Variants in DMXL1 observed in about 807,000 individuals in gnomAD.
DMXL1 encodes the protein dmX-like protein 1.
Under a neutral mutation model 319.2 loss-of-function variants are expected in DMXL1, and 99 were observed. The observed-to-expected ratio is 0.31, with a 90% CI of 0.26 to 0.37. The LOEUF (loss-of-function observed/expected upper bound fraction) is 0.37, where lower values mean the gene tolerates loss of function less well. Ranked by LOEUF, DMXL1 falls within the 10% of genes least tolerant of loss-of-function variation. DMXL1 has a pLI of 1.00. For synonymous variants in DMXL1, 1,385 were observed against 1,235.2 expected (o/e 1.12, Z -2.54); for missense variants, 3,745 against 3,595.6 (o/e 1.04, Z -1.06).
intron 38 of DMXL1, among the ~76,000 whole-genome samples, chr5:119,232,709 C>T (rs1195629473): frequency 4.0e-5 from 6 of 151,778 alleles, no homozygotes; most frequent in African/African-American, 1.2e-4. Flanking sequence ...TGCAGTGGCA[C>T]GTGCCTATAA....
chr5:119,231,239 A>T (rs1294364776), intron 38 of DMXL1, among the ~76,000 whole-genome samples: 3 of 152,216 alleles, frequency 2.0e-5, no homozygotes, highest in Non-Finnish European at 4.4e-5. Flanking sequence ...TTCTCTAGGA[A>T]AGCACAGGTT....
intron 9 of DMXL1, 87 bp downstream of exon 9, chr5:119,121,226 G>T: frequency 1.8e-6 from 2 of 1,123,418 alleles, no homozygotes; most frequent in South Asian, 2.3e-5. Context: ...TTTCAAATAA[G>T]TAAAATATTG....
chr5:119,132,189 G>T (rs546174246), intron 10 of DMXL1, among the ~76,000 whole-genome samples: 2 of 152,194 alleles, frequency 1.3e-5, no homozygotes, highest in African/African-American at 2.4e-5. Context: ...ATAAGAAAAG[G>T]CTCTACACTA....
At chr5:119,137,892 A>G (rs978267234) in intron 13 of DMXL1, among the ~76,000 whole-genome samples, 1 of 152,206 alleles carries the variant, frequency 6.6e-6, no homozygotes, top group African/African-American at 2.4e-5. Context: ...GGAGCAGAGC[A>G]TGTGAGGTGG....
At position 119,089,999 on chromosome 5, in the gene DMXL1, C is replaced by CT. The variant is rs70982467; in HGVS notation, c.88-7942dup. 3.8e-3 allele frequency among the ~76,000 whole-genome samples: 132 copies of CT among 34,396 alleles called. 43 individuals are homozygous for CT. Among genetic ancestry groups the CT allele is most frequent in the African/African-American group, 4.2e-3 (41 of 9,660 alleles). 22.6% of individuals were successfully genotyped at this position (34,396 alleles called of 152,430 possible). ...TGATTATTTTATGCTTCGGGTTAGT[C>CT]TTTTTTTTTTTTTTTTTTTTTTTTT... On this transcript the variant is annotated intron_variant, in intron 1 of 43. Coordinates refer to ENST00000539542, the MANE Select transcript of DMXL1 (RefSeq NM_001290321.3).
At chr5:119,220,782 G>A (rs1444989815) in intron 36 of DMXL1, among the ~76,000 whole-genome samples, 158 bp from the exon 37 acceptor site, 1 of 152,224 alleles carries the variant, frequency 6.6e-6, no homozygotes, top group African/African-American at 2.4e-5. Context: ...GAAGGGAACA[G>A]AAATTGTTGA....
chr5:119,124,933 A>G (rs529980123), intron 9 of DMXL1, among the ~76,000 whole-genome samples: 3 of 152,278 alleles, frequency 2.0e-5, no homozygotes, highest in African/African-American at 4.8e-5. Flanking sequence ...ATAAATTAAG[A>G]TACTTCTATT....
chr5:119,167,310 T>C (rs1773631111), intron 22 of DMXL1, among the ~76,000 whole-genome samples: 1 of 152,070 alleles, frequency 6.6e-6, no homozygotes, highest in South Asian at 2.1e-4. Context: ...AGAAATAAAA[T>C]AATATAGCTT....
chr5:119,183,983 G>A (rs1777236670), intron 28 of DMXL1, among the ~76,000 whole-genome samples: 1 of 151,876 alleles, frequency 6.6e-6, no homozygotes, highest in Admixed American at 6.6e-5. Context: ...CCTGATGACA[G>A]TAGAAGAAAC....
At position 119,110,360 on chromosome 5, in the gene DMXL1, G is replaced by A. The variant is rs921420234; in HGVS notation, c.497+77G>A. 6 of 1,298,678 alleles carry A rather than the reference G, an allele frequency of 4.6e-6. No individual in the cohort carries two copies. The South Asian group carries it at 1.1e-4, about 24-fold the overall frequency. The allele number at this position is 1,298,678 out of a possible 1,614,324, so 80.4% of individuals were successfully genotyped here. A position where few individuals can be genotyped will look rare whatever the true frequency, so the allele number is the denominator to read the frequency against. ...TTTATTATAAATGTATTTTAGTTGT[G>A]TAAAACCACACTGACATAAAAAGTA... On this transcript the variant is annotated intron_variant, in intron 5 of 43. Coordinates refer to ENST00000539542, the MANE Select transcript of DMXL1 (RefSeq NM_001290321.3).
intron 39 of DMXL1, 32 bp downstream of exon 39, chr5:119,233,499 T>C (rs749332920): frequency 6.3e-7 from 1 of 1,587,964 alleles, no homozygotes; most frequent in East Asian, 2.2e-5. Context: ...GGTAAAAAAT[T>C]TATTGTGTTG....
intron 37 of DMXL1, among the ~76,000 whole-genome samples, chr5:119,224,021 A>G (rs1244026601): frequency 6.6e-6 from 1 of 152,096 alleles, no homozygotes; most frequent in Admixed American, 6.6e-5. Context: ...GCATCAATAT[A>G]TGTGTTTCAG....
intron 42 of DMXL1, among the ~76,000 whole-genome samples, chr5:119,242,119 A>G (rs1378522480): frequency 6.6e-6 from 1 of 152,192 alleles, no homozygotes; most frequent in Non-Finnish European, 1.5e-5. Flanking sequence ...CATATGTTTT[A>G]TGCATTCATG....
rs1414664307 is a variant in DMXL1, at chr5:119,071,736, G to A, written c.87+80G>A. 5.9e-6 allele frequency: 8 copies of A among 1,350,062 alleles called. No individual in the cohort carries two copies. The East Asian group carries it at 1.8e-4, about 30-fold the overall frequency. The allele number at this position is 1,350,062 out of a possible 1,614,324, so 83.6% of individuals were successfully genotyped here. On this transcript the variant is annotated intron_variant, in intron 1 of 43. Coordinates refer to ENST00000539542, the MANE Select transcript of DMXL1 (RefSeq NM_001290321.3). ...GGGCCGAGCTTGGCCCAGAACGACG[G>A]GCAGAGGCGCGAGGTCTTGTCTCCC...
chr5:119,075,544 G>T (rs1164654054), intron 1 of DMXL1, among the ~76,000 whole-genome samples: 1 of 152,002 alleles, frequency 6.6e-6, no homozygotes, highest in African/African-American at 2.4e-5. Flanking sequence ...CTGCCTGTTA[G>T]TTTCTTTTTC....
chr5:119,079,752 T>C (rs943258855), intron 1 of DMXL1, among the ~76,000 whole-genome samples: 1 of 152,226 alleles, frequency 6.6e-6, no homozygotes, highest in African/African-American at 2.4e-5. Flanking sequence ...AGATCTCCTT[T>C]GTACCTTGCT....
intron 9 of DMXL1, among the ~76,000 whole-genome samples, chr5:119,123,377 GAGGGA>G (rs1762709663): frequency 2.8e-5 from 2 of 70,388 alleles, no homozygotes; most frequent in African/African-American, 5.6e-5. Flanking sequence ...GGGAGAGGGA[GAGGGA>G]GAGGAGGGAG....
intron 9 of DMXL1, among the ~76,000 whole-genome samples, chr5:119,125,331 A>T (rs1029832821): frequency 3.3e-5 from 5 of 152,200 alleles, no homozygotes; most frequent in Non-Finnish European, 5.9e-5. Context: ...CCTAGGAATG[A>T]TCTATAAATG....
intron 13 of DMXL1, among the ~76,000 whole-genome samples, chr5:119,138,225 T>C (rs761434067): frequency 2.0e-5 from 3 of 152,128 alleles, no homozygotes; most frequent in Non-Finnish European, 2.9e-5. Flanking sequence ...TGAATAGCTA[T>C]GAATGGACTG....
Sources: gnomAD v4.1 joint callset for allele counts (sites outside exome capture counted in the v4.1 genomes callset) on GRCh38, gnomAD v4.1.1 for gene constraint, MANE v1.5 for transcripts, NCBI Gene and HGNC (gene_info 2026-07-23, HGNC 2026-07-21) for gene names.